Variants in ANKH observed in about 807,000 individuals in gnomAD.
ANKH encodes the protein mineralization regulator ANKH.
In ANKH, 15 loss-of-function variants were observed where a neutral mutation model predicts 49.0. The observed-to-expected ratio is 0.31, with a 90% CI of 0.20 to 0.47. The LOEUF is 0.47. ANKH is among the 20% of genes least tolerant of loss of function. The probability of loss-of-function intolerance (pLI) is 1.00; values close to 1 mark genes in which losing one functional copy is unlikely to be tolerated. For missense variants in ANKH, 429 were observed against 652.0 expected (o/e 0.66, Z 3.72); for synonymous variants, 273 against 260.0 (o/e 1.05, Z -0.48).
intron 11 of ANKH, among the ~76,000 whole-genome samples, chr5:14,711,774 C>T (rs1390716510): frequency 6.6e-6 from 1 of 152,252 alleles, no homozygotes; most frequent in Non-Finnish European, 1.5e-5. Context: ...CCACTTACTG[C>T]CTGTCCTAGT....
At chr5:14,741,677 A>T in intron 8 of ANKH, 150 bp downstream of exon 8, 1 of 668,832 alleles carries the variant, frequency 1.5e-6, no homozygotes, top group South Asian at 1.8e-5. Flanking sequence ...AATCGTTCAC[A>T]TTTGAAGAAG....
intron 1 of ANKH, chr5:14,798,036 T>C (rs61746634): frequency 2.5e-6 from 4 of 1,581,880 alleles, no homozygotes; most frequent in African/African-American, 2.7e-5. Context: ...TCCTTCATGG[T>C]TGATCTTGAT....
intron 1 of ANKH, among the ~76,000 whole-genome samples, chr5:14,800,659 G>GT (rs879748405): frequency 7.3e-5 from 11 of 151,056 alleles, no homozygotes; most frequent in African/African-American, 1.5e-4. Flanking sequence ...TATATACACT[G>GT]TTTTTTAAGT....
chr5:14,753,145 G>A (rs1561038959), intron 4 of ANKH, among the ~76,000 whole-genome samples: 1 of 152,108 alleles, frequency 6.6e-6, no homozygotes, highest in Non-Finnish European at 1.5e-5. Context: ...GAGGATGCAG[G>A]GTTGGAAAGT....
At chr5:14,802,901 A>T (rs928652035) in intron 1 of ANKH, among the ~76,000 whole-genome samples, 7 of 152,194 alleles carry the variant, frequency 4.6e-5, no homozygotes, top group Non-Finnish European at 5.9e-5. Flanking sequence ...TGCTCAATAA[A>T]GACTTGTTGA....
At chr5:14,716,883 G>A (rs1029120333) in intron 8 of ANKH, 48 bp from the exon 9 acceptor site, 9 of 1,607,606 alleles carry the variant, frequency 5.6e-6, no homozygotes, top group Non-Finnish European at 7.7e-6. Context: ...AGTGTAAGCA[G>A]GTGAAATGAG....
intron 1 of ANKH, among the ~76,000 whole-genome samples, chr5:14,855,439 T>A (rs1370816074): frequency 2.0e-5 from 3 of 152,226 alleles, no homozygotes; most frequent in Admixed American, 1.3e-4. Context: ...ATGAATATAC[T>A]CTTGCCCTCT....
chr5:14,827,415 T>C (rs1461280241), intron 1 of ANKH, among the ~76,000 whole-genome samples: 1 of 152,198 alleles, frequency 6.6e-6, no homozygotes, highest in Non-Finnish European at 1.5e-5. Context: ...CTAGAGTCCA[T>C]ATTCTCAGCT....
intron 8 of ANKH, among the ~76,000 whole-genome samples, chr5:14,717,514 C>T (rs1417740197): frequency 6.6e-6 from 1 of 152,204 alleles, no homozygotes; most frequent in Non-Finnish European, 1.5e-5. Context: ...AAGTGCGGCA[C>T]AGGTCCTTCC....
At chr5:14,804,866 C>G (rs367895222) in intron 1 of ANKH, among the ~76,000 whole-genome samples, 18 of 152,312 alleles carry the variant, frequency 1.2e-4, no homozygotes, top group African/African-American at 4.3e-4. Flanking sequence ...AGAGTAATCA[C>G]TGGGACGTCT....
At position 14,780,736 on chromosome 5, in the gene ANKH, A is replaced by G. The variant is rs115191482; in HGVS notation, c.97-11545T>C. 5.2e-3 allele frequency among the ~76,000 whole-genome samples: 788 copies of G among 152,320 alleles called. 5 individuals are homozygous for G. Among genetic ancestry groups the G allele is most frequent in the African/African-American group, 0.018 (766 of 41,584 alleles). Reference sequence around the variant, plus strand: ...TCCTTTACTTGCCTCATCCTAGACTAGAAAAAACAATGATACCTAAGAGCC... The same window carrying G: ...TCCTTTACTTGCCTCATCCTAGACTGGAAAAAACAATGATACCTAAGAGCC... On this transcript the variant is annotated intron_variant, in intron 1 of 11. Coordinates refer to ENST00000284268, the MANE Select transcript of ANKH (RefSeq NM_054027.6).
chr5:14,710,282 CTA>C lies in ANKH; in HGVS notation c.*913_*914del, dbSNP rs1207338583. ...TTAAAGCTTCAGTTCACTGTAAAAA[CTA>C]AAATGCAAAGTTAGGATGCTCCATG... On this transcript the variant is annotated 3_prime_UTR_variant, in exon 12 of 12. Coordinates refer to ENST00000284268, the MANE Select transcript of ANKH (RefSeq NM_054027.6). 6.6e-6 allele frequency: 1 copy of C among 152,224 alleles called. No individual in the cohort carries two copies. Among genetic ancestry groups the C allele is most frequent in the Non-Finnish European group, 1.5e-5 (1 of 68,040 alleles). 9.4% of individuals were successfully genotyped at this position (152,224 alleles called of 1,614,324 possible).
intron 1 of ANKH, among the ~76,000 whole-genome samples, chr5:14,829,736 C>A (rs1184902186): frequency 6.6e-6 from 1 of 152,154 alleles, no homozygotes; most frequent in African/African-American, 2.4e-5. Flanking sequence ...ACATTTCCTG[C>A]GTTTTATTTA....
In ANKH at chr5:14,719,032, G is replaced by A. The variant is rs184264250; in HGVS notation, c.1012-2197C>T. On this transcript the variant is annotated intron_variant, in intron 8 of 11. Transcript: ENST00000284268. ...AGGAGTTCTGGAAAGAGGGGACAGC[G>A]GACGTCTCAGACTGAAAGATACCAG... Among the ~76,000 whole-genome samples the A allele has an allele frequency of 2.6e-4, 40 of 152,234 alleles. No homozygotes were observed. In the East Asian group the frequency reaches 3.7e-3, roughly 14 times the overall value.
chr5:14,733,927 A>G (rs533099044), intron 8 of ANKH, among the ~76,000 whole-genome samples: 4 of 152,324 alleles, frequency 2.6e-5, no homozygotes, highest in African/African-American at 9.6e-5. Flanking sequence ...GTTTCTGTAC[A>G]CTGTCTTTAA....
chr5:14,815,889 C>T (rs1450704590), intron 1 of ANKH, among the ~76,000 whole-genome samples: 2 of 152,126 alleles, frequency 1.3e-5, no homozygotes, highest in African/African-American at 2.4e-5. Context: ...AGATCGAGGG[C>T]GCTGGCTAGT....
At chr5:14,859,098 C>G (rs1164965960) in intron 1 of ANKH, among the ~76,000 whole-genome samples, 1 of 152,114 alleles carries the variant, frequency 6.6e-6, no homozygotes, top group Non-Finnish European at 1.5e-5. Flanking sequence ...ATCTGCACAT[C>G]ATTGCCATCC....
At chr5:14,742,263 C>A (rs1361641937) in intron 7 of ANKH, among the ~76,000 whole-genome samples, 1 of 152,214 alleles carries the variant, frequency 6.6e-6, no homozygotes, top group Non-Finnish European at 1.5e-5. Flanking sequence ...TCCCAGCAGA[C>A]CCTGTGCCTG....
chr5:14,791,153 C>T (rs1282440344), intron 1 of ANKH, among the ~76,000 whole-genome samples: 5 of 152,144 alleles, frequency 3.3e-5, no homozygotes, highest in East Asian at 1.9e-4. Flanking sequence ...CTGGAAATCA[C>T]GTGGACCATC....
Sources: allele counts gnomAD v4.1 joint callset (sites outside exome capture counted in the v4.1 genomes callset), GRCh38; gene constraint gnomAD v4.1.1; transcripts MANE v1.5; gene names NCBI Gene and HGNC (gene_info 2026-07-23, HGNC 2026-07-21).